The following MLF1 variants were observed in gnomAD, a reference collection of about 807,000 sequenced individuals.
MLF1 encodes myeloid leukemia factor 1, also known as myelodysplasia-myeloid leukemia factor 1.
A neutral mutation model predicts 38.3 loss-of-function variants in MLF1; 37 were observed. The ratio of observed to expected loss-of-function variants is 0.96; its 90% CI spans 0.74 to 1.27. The LOEUF (loss-of-function observed/expected upper bound fraction) is 1.27, where lower values mean the gene tolerates loss of function less well. Ranked by LOEUF, MLF1 falls within the 50% of genes most tolerant of loss-of-function variation. The pLI is 0.00. For missense variants in MLF1, 331 were observed against 349.2 expected (o/e 0.95, Z 0.42); for synonymous variants, 95 against 106.5 (o/e 0.89, Z 0.66).
intron 1 of MLF1, among the ~76,000 whole-genome samples, chr3:158,591,998 A>G (rs1212766476): frequency 6.6e-6 from 1 of 152,224 alleles, no homozygotes; most frequent in Non-Finnish European, 1.5e-5. Flanking sequence ...ATCAAAATGC[A>G]TTTAATACAC....
At chr3:158,589,235 G>A (rs62287938) in intron 1 of MLF1, among the ~76,000 whole-genome samples, 24,715 of 151,318 alleles carry the variant, frequency 0.16, 2,016 homozygotes, top group Middle Eastern at 0.2. Context: ...ATTTTGAGAC[G>A]GAGTCTCACC....
chr3:158,574,545 A>G (rs1051625858), intron 1 of MLF1, among the ~76,000 whole-genome samples: 3 of 146,916 alleles, frequency 2.0e-5, no homozygotes, highest in Non-Finnish European at 3.0e-5. Flanking sequence ...TTAGCCAGGC[A>G]TGGTGACACA....
chr3:158,586,917 T>G (rs1717327916), intron 1 of MLF1, among the ~76,000 whole-genome samples: 1 of 152,258 alleles, frequency 6.6e-6, no homozygotes, highest in Admixed American at 6.5e-5. Context: ...TGCCAACTTC[T>G]TGGCCAATAG....
chr3:158,572,294 G>T (rs1714580093), intron 1 of MLF1, among the ~76,000 whole-genome samples: 1 of 140,548 alleles, frequency 7.1e-6, no homozygotes, highest in Admixed American at 7.0e-5. Context: ...CGGTTTGGGA[G>T]CATGAGGTGC....
At chr3:158,588,841 T>A (rs2115942) in intron 1 of MLF1, 1 of 456,134 alleles carries the variant, frequency 2.2e-6, no homozygotes, top group Non-Finnish European at 4.4e-6. Flanking sequence ...TTTGAGGATG[T>A]TGTTTCTCAG....
rs998631447 is a variant in MLF1 at position 158,587,603 on chromosome 3, A to G, written c.48-4831A>G. ...CCCACTCCCTGGTATTCATGCCTTT[A>G]TGTAATCTCCCCTTGAACATGGGCT... On this transcript the variant is annotated intron_variant, in intron 1 of 7. Coordinates refer to ENST00000466246, the MANE Select transcript of MLF1 (RefSeq NM_001369783.1). Among the ~76,000 whole-genome samples, 3 of 152,242 alleles carry G rather than the reference A, an allele frequency of 2.0e-5. 1 individual carries two copies.
At chr3:158,577,381 C>T (rs6779426) in intron 1 of MLF1, among the ~76,000 whole-genome samples, 84,909 of 151,342 alleles carry the variant, frequency 0.56, 24,646 homozygotes, top group African/African-American at 0.72. Flanking sequence ...GGTAGAGTCT[C>T]TGCCAAATTG....
chr3:158,600,481 A>G (rs1719587662), intron 6 of MLF1, among the ~76,000 whole-genome samples: 1 of 151,878 alleles, frequency 6.6e-6, no homozygotes, highest in Admixed American at 6.6e-5. Flanking sequence ...GATTATCAAG[A>G]AAGTACATTT....
intron 6 of MLF1, 32 bp from the exon 7 acceptor site, chr3:158,602,775 A>G (rs772361934): frequency 1.9e-6 from 3 of 1,607,792 alleles, no homozygotes; most frequent in Non-Finnish European, 2.6e-6. Context: ...ATACCTTAAT[A>G]CTTATTCCCA....
chr3:158,576,378 T>G (rs942876337), intron 1 of MLF1, among the ~76,000 whole-genome samples: 76 of 152,326 alleles, frequency 5.0e-4, no homozygotes, highest in African/African-American at 1.8e-3. Context: ...CATCTGTATT[T>G]GCTAACAATA....
intron 1 of MLF1, among the ~76,000 whole-genome samples, chr3:158,575,252 C>T (rs1836687): frequency 0.013 from 2,004 of 152,244 alleles, 47 homozygotes; most frequent in African/African-American, 0.046. Context: ...TAAGCCTAAT[C>T]TCCTTTATTC....
At chr3:158,574,523 A>AAAAAAC (rs1553830589) in intron 1 of MLF1, among the ~76,000 whole-genome samples, 13 of 115,754 alleles carry the variant, frequency 1.1e-4, no homozygotes, top group African/African-American at 3.8e-4. Flanking sequence ...AAAAAAAAAA[A>AAAAAAC]AAAATACAAA....
intron 1 of MLF1, among the ~76,000 whole-genome samples, chr3:158,580,743 C>T (rs1051900956): frequency 1.1e-4 from 17 of 150,412 alleles, no homozygotes; most frequent in Admixed American, 1.1e-3. Flanking sequence ...AGCCCAGGAG[C>T]TCGAGACCAG....
At chr3:158,574,684 CAAAAA>C (rs59567882) in intron 1 of MLF1, among the ~76,000 whole-genome samples, 3 of 108,824 alleles carry the variant, frequency 2.8e-5, no homozygotes. Context: ...AACACTGTCT[CAAAAA>C]AAAAAAAAAA....
In MLF1 at chr3:158,606,351, T is replaced by G. The variant is rs1362055797; in HGVS notation, c.*1149T>G. ...CTTTTCAATTTTGTAAGTAAAATTA[T>G]ATGACTATGTTCATACTTCTCTAAT... is the stretch of plus-strand genomic sequence containing the variant. On this transcript the variant is annotated 3_prime_UTR_variant, in exon 8 of 8. Transcript: ENST00000466246. 1 of 168,476 alleles carries G rather than the reference T, an allele frequency of 5.9e-6. No homozygotes were observed. Among genetic ancestry groups the G allele is most frequent in the Non-Finnish European group, 1.3e-5 (1 of 77,614 alleles). The allele number at this position is 168,476 out of a possible 1,614,324, so 10.4% of individuals were successfully genotyped here.
chr3:158,586,761 A>G (rs1035496115), intron 1 of MLF1, among the ~76,000 whole-genome samples: 1 of 152,218 alleles, frequency 6.6e-6, no homozygotes, highest in South Asian at 2.1e-4. Flanking sequence ...TTGTGCCTTT[A>G]GTAGAAATAG....
intron 3 of MLF1, among the ~76,000 whole-genome samples, chr3:158,596,040 A>G (rs1560108280): frequency 6.6e-6 from 1 of 152,126 alleles, no homozygotes; most frequent in Non-Finnish European, 1.5e-5. Flanking sequence ...CATTTTGGGC[A>G]GGGTAATTCT....
At position 158,592,560 on chromosome 3, in the gene MLF1, T is replaced by C. The variant is rs1286910573; in HGVS notation, c.174T>C (p.Asn58=). Residue 58 remains asparagine (N), a synonymous_variant, in exon 2 of 8, where the codon AAT becomes AAC. Transcript: ENST00000466246. ...RGRAHNRRGH[N]DGEDSLTATS... is the part of the protein sequence containing the mutation. ...GAGCTCATAATCGTAGAGGACATAA[T>C]GATGGTGAAGATTCTTTGACTGTAA... 8.7e-6 allele frequency: 14 copies of C among 1,609,482 alleles called. No individual in the cohort carries two copies. Among genetic ancestry groups the C allele is most frequent in the East Asian group, 2.2e-5 (1 of 44,702 alleles).
At chr3:158,594,789 T>A (rs900800102) in intron 3 of MLF1, among the ~76,000 whole-genome samples, 5 of 152,228 alleles carry the variant, frequency 3.3e-5, no homozygotes, top group African/African-American at 7.2e-5. Flanking sequence ...GCATGAAGAA[T>A]AAGGTAGATG....
Sources: gnomAD v4.1 joint callset for allele counts (sites outside exome capture counted in the v4.1 genomes callset) on GRCh38, gnomAD v4.1.1 for gene constraint, MANE v1.5 for transcripts, NCBI Gene and HGNC (gene_info 2026-07-23, HGNC 2026-07-21) for gene names.